PLOD2: variants seen among roughly 807,000 people sequenced by gnomAD.
PLOD2 encodes the protein lysine hydroxylase 2.
A neutral mutation model predicts 101.0 loss-of-function variants in PLOD2; 65 were observed. The observed-to-expected ratio is 0.64, with a 90% CI of 0.53 to 0.79. The LOEUF (loss-of-function observed/expected upper bound fraction) is 0.79. PLOD2 is among the 30% of genes least tolerant of loss of function. The pLI, the probability that PLOD2 is intolerant of heterozygous loss-of-function variation, is 0.00. For synonymous variants in PLOD2, 314 were observed against 302.9 expected, an observed-to-expected ratio of 1.04 and a Z score of -0.38; for missense variants, 909 against 914.6, an observed-to-expected ratio of 0.99 and a Z score of 0.08.
intron 1 of PLOD2, among the ~76,000 whole-genome samples, chr3:146,129,967 T>C (rs2030811829): frequency 6.6e-6 from 1 of 152,132 alleles, no homozygotes; most frequent in South Asian, 2.1e-4. Flanking sequence ...AGAGTGATCA[T>C]TTCAAAACAG....
chr3:146,147,307 T>A (rs1210962947), intron 1 of PLOD2, among the ~76,000 whole-genome samples: 1 of 152,064 alleles, frequency 6.6e-6, no homozygotes, highest in East Asian at 1.9e-4. Context: ...GGAAATATAA[T>A]CCCCCCTCCT....
chr3:146,107,986 A>G (rs1167413794), intron 4 of PLOD2, among the ~76,000 whole-genome samples: 1 of 151,870 alleles, frequency 6.6e-6, no homozygotes, highest in Non-Finnish European at 1.5e-5. Context: ...CATTTTTTAA[A>G]TCCCATGGCC....
chr3:146,110,235 C>T, intron 4 of PLOD2, 50 bp downstream of exon 4: 1 of 1,517,934 alleles, frequency 6.6e-7, no homozygotes, highest in Non-Finnish European at 9.1e-7. Context: ...ATGGTTGTTT[C>T]ATTAGTCTTT....
At chr3:146,106,905 A>C (rs1937544574) in intron 4 of PLOD2, among the ~76,000 whole-genome samples, 1 of 152,336 alleles carries the variant, frequency 6.6e-6, no homozygotes, top group South Asian at 2.1e-4. Context: ...CTCCAAAAGT[A>C]ATTGACAAAA....
chr3:146,075,835 A>G (rs1221106291), intron 15 of PLOD2: 3 of 151,764 alleles, frequency 2.0e-5, no homozygotes, highest in African/African-American at 7.2e-5. Flanking sequence ...AAAGCTAATA[A>G]GTGTCTTAAT....
At chr3:146,097,795 T>TAAAAA (rs753043092) in intron 7 of PLOD2, among the ~76,000 whole-genome samples, 62 of 127,082 alleles carry the variant, frequency 4.9e-4, no homozygotes, top group African/African-American at 1.6e-3. Context: ...GAATGATCAA[T>TAAAAA]AAAAAAAAAA....
At chr3:146,090,429 G>A (rs553977608) in intron 8 of PLOD2, among the ~76,000 whole-genome samples, 2 of 151,624 alleles carry the variant, frequency 1.3e-5, no homozygotes, top group East Asian at 3.9e-4. Context: ...AAGAAAAAAT[G>A]TTAATATAAA....
At chr3:146,073,616 T>G (rs1040732588) in intron 15 of PLOD2, 1 of 185,918 alleles carries the variant, frequency 5.4e-6, no homozygotes, top group Non-Finnish European at 1.1e-5. Flanking sequence ...AGTGAATAGA[T>G]TTACACATTT....
chr3:146,102,068 C>A (rs372808244), intron 7 of PLOD2, among the ~76,000 whole-genome samples: 1 of 152,280 alleles, frequency 6.6e-6, no homozygotes, highest in East Asian at 1.9e-4. Context: ...CTTCCCACAA[C>A]AAAAATCTGT....
chr3:146,143,011 TA>T (rs1171058076), intron 1 of PLOD2, among the ~76,000 whole-genome samples: 1 of 152,152 alleles, frequency 6.6e-6, no homozygotes, highest in African/African-American at 2.4e-5. Flanking sequence ...GCAGCTCTGC[TA>T]TTTTTCAATG....
rs1018032458 is a variant in PLOD2, at chr3:146,069,722, C to G, written c.*995G>C. ...GGAAGATAAAAAAGCAAATAACCCT[C>G]CCCCCAAAAAAAGAATAAGGAGCGA... On this transcript the variant is annotated 3_prime_UTR_variant, in exon 20 of 20. Coordinates refer to ENST00000282903, the MANE Select transcript of PLOD2 (RefSeq NM_182943.3). 2.0e-5 allele frequency: 3 copies of G among 151,724 alleles called. No homozygotes were observed. Among genetic ancestry groups the G allele is most frequent in the Non-Finnish European group, 4.4e-5 (3 of 67,716 alleles). The allele number at this position is 151,724 out of a possible 1,614,324, so 9.4% of individuals were successfully genotyped here.
At chr3:146,130,020 A>C (rs1299512993) in intron 1 of PLOD2, among the ~76,000 whole-genome samples, 2 of 152,150 alleles carry the variant, frequency 1.3e-5, no homozygotes, top group African/African-American at 4.8e-5. Flanking sequence ...ATACCCTCTT[A>C]GGATAGTAGA....
intron 12 of PLOD2, 35 bp downstream of exon 12, chr3:146,081,703 T>A (rs1300348317): frequency 6.5e-7 from 1 of 1,531,420 alleles, no homozygotes; most frequent in Non-Finnish European, 9.0e-7. Flanking sequence ...TAGATTATGG[T>A]ATTTCACATT....
intron 2 of PLOD2, among the ~76,000 whole-genome samples, chr3:146,123,530 A>T (rs1231528779): frequency 6.6e-6 from 1 of 152,052 alleles, no homozygotes; most frequent in Non-Finnish European, 1.5e-5. Context: ...AAACAAAAAA[A>T]GCAAAAACAA....
chr3:146,072,472 G>T lies in PLOD2; in HGVS notation c.1848+89C>A, dbSNP rs554151163. 4 of 847,412 alleles carry T rather than the reference G, an allele frequency of 4.7e-6. No individual in the cohort carries two copies. In the African/African-American group the frequency reaches 5.0e-5, roughly 11 times the overall value. 52.5% of individuals were successfully genotyped at this position (847,412 alleles called of 1,614,324 possible). ...CTAAGTCTAGAACTCAGAGACATAT[G>T]AGAAAAAGTATATAACCCCTCCGAA... is the stretch of plus-strand genomic sequence containing the variant. On this transcript the variant is annotated intron_variant, in intron 17 of 19. Coordinates refer to ENST00000282903, the MANE Select transcript of PLOD2 (RefSeq NM_182943.3).
intron 3 of PLOD2, among the ~76,000 whole-genome samples, chr3:146,113,936 C>G (rs541262710): frequency 1.3e-5 from 2 of 152,246 alleles, no homozygotes; most frequent in South Asian, 2.1e-4. Flanking sequence ...CAGTAAGGAA[C>G]AGCCCTGAGA....
In PLOD2 at chr3:146,072,607, A is replaced by C; in HGVS notation, c.1802T>G (p.Val601Gly). The C allele has an allele frequency of 6.2e-7, 1 of 1,610,934 alleles. No individual in the cohort carries two copies. The highest frequency in any genetic ancestry group is 8.5e-7 in the Non-Finnish European group (1 of 1,177,784). Residue 601 changes from valine to glycine, a missense_variant, in exon 17 of 20, where the codon GTA (valine) becomes GGA (glycine). By Grantham distance (109) the Val-to-Gly change is moderately radical. Transcript: ENST00000282903. Reference sequence around the variant, plus strand: ...TTTGCCGTAATGTTCCATTTCTTCTACCAATTCATCACAGGCTTTTTCAGA... The same window carrying C: ...TTTGCCGTAATGTTCCATTTCTTCTCCCAATTCATCACAGGCTTTTTCAGA... ...IFSEKACDEL[V>G]EEMEHYGKWS...
At chr3:146,077,136 G>A (rs904538356) in intron 14 of PLOD2, 8 of 1,145,220 alleles carry the variant, frequency 7.0e-6, no homozygotes, top group Middle Eastern at 3.7e-4. Flanking sequence ...AAAGAAGAAT[G>A]GACTGTTTTT....
chr3:146,160,918 CA>C lies in PLOD2; in HGVS notation c.71del (p.Leu24ArgfsTer17). On this transcript the variant is annotated frameshift_variant, in exon 1 of 20. Transcript: ENST00000282903. LOFTEE classifies it high-confidence loss of function. ...TCGAGGGCTTCTCCGAGTCCGCACC[CA>C]GACAGGGATTCCAGGGGTGGAGGAC... Reference protein sequence around the residue: ...ALVLHPWNPCLGADSEKPSSI... With the variant: ...ALVLHPWNPCXGADSEKPSSI... 6.3e-7 allele frequency: 1 copy of C among 1,597,282 alleles called. No homozygotes were observed. Among genetic ancestry groups the C allele is most frequent in the Non-Finnish European group, 8.5e-7 (1 of 1,172,218 alleles).
Sources: gnomAD v4.1 joint callset for allele counts (sites outside exome capture counted in the v4.1 genomes callset) on GRCh38, gnomAD v4.1.1 for gene constraint, MANE v1.5 for transcripts, NCBI Gene and HGNC (gene_info 2026-07-23, HGNC 2026-07-21) for gene names.